DDB1: variants seen among roughly 807,000 people sequenced by gnomAD.
DDB1 encodes damage specific DNA binding protein 1, also known as DNA damage-binding protein 1.
Under a neutral mutation model 133.1 loss-of-function variants are expected in DDB1, and 18 were observed. The observed-to-expected ratio is 0.14, with a 90% CI of 0.09 to 0.20. The LOEUF is 0.20. Ranked by LOEUF, DDB1 falls within the 10% of genes least tolerant of loss-of-function variation. DDB1 has a pLI of 1.00. For missense variants in DDB1, 828 were observed against 1,459.2 expected, an observed-to-expected ratio of 0.57 and a Z score of 7.05; for synonymous variants, 580 against 550.5, an observed-to-expected ratio of 1.05 and a Z score of -0.75.
intron 10 of DDB1, among the ~76,000 whole-genome samples, chr11:61,318,477 T>C (rs531535352): frequency 6.6e-6 from 1 of 152,300 alleles, no homozygotes; most frequent in Non-Finnish European, 1.5e-5. Flanking sequence ...GGTCATCTAG[T>C]AGAGTACTGC....
chr11:61,309,857 C>A lies in DDB1; in HGVS notation c.2505G>T (p.Met835Ile), dbSNP rs866389161. 1 of 1,614,158 alleles carries A rather than the reference C, an allele frequency of 6.2e-7. No individual in the cohort carries two copies. Among genetic ancestry groups the A allele is most frequent in the Non-Finnish European group, 8.5e-7 (1 of 1,180,040 alleles). ...TGGGCTCTGCCTCTTCAGGATACACCATTGCTGTGCCCACAATGAAGTAAG... is the reference window on the plus strand; with the variant it reads ...TGGGCTCTGCCTCTTCAGGATACACAATTGCTGTGCCCACAATGAAGTAAG... ...PNTYFIVGTA[M>I]VYPEEAEPKQ... The change falls in exon 20 of 27, where the codon ATG becomes ATT. Residue 835 changes from methionine to isoleucine, a missense_variant. Met to Ile is a conservative substitution (Grantham distance 10). Transcript: ENST00000301764.
chr11:61,324,234 T>C, intron 6 of DDB1, 97 bp from the exon 7 acceptor site: 2 of 1,350,336 alleles, frequency 1.5e-6, no homozygotes, highest in South Asian at 2.4e-5. Context: ...CCCAGCCATT[T>C]TACCAGCAGA....
At chr11:61,330,347 C>A (rs1856346411) in intron 2 of DDB1, 1 of 286,390 alleles carries the variant, frequency 3.5e-6, no homozygotes, top group African/African-American at 2.2e-5. Context: ...ATTTCAATCT[C>A]AAGCTAATCT....
At chr11:61,310,130 G>A (rs1485059758) in intron 19 of DDB1, among the ~76,000 whole-genome samples, 165 bp downstream of exon 19, 1 of 152,138 alleles carries the variant, frequency 6.6e-6, no homozygotes, top group East Asian at 1.9e-4. Context: ...AGGAGAGGAT[G>A]CCCAGCCCTC....
intron 16 of DDB1, among the ~76,000 whole-genome samples, chr11:61,312,910 T>A (rs1309271358): frequency 2.6e-5 from 4 of 152,110 alleles, no homozygotes; most frequent in Non-Finnish European, 5.9e-5. Flanking sequence ...CCTTCCAATT[T>A]CAAGGGAATC....
intron 16 of DDB1, 75 bp downstream of exon 16, chr11:61,313,424 G>T: frequency 7.4e-7 from 1 of 1,357,066 alleles, no homozygotes; most frequent in Non-Finnish European, 1.0e-6. Flanking sequence ...AAAAGGCTTT[G>T]AGGTAAGGGT....
intron 3 of DDB1, 86 bp from the exon 4 acceptor site, chr11:61,329,670 T>A: frequency 7.8e-7 from 1 of 1,289,006 alleles, no homozygotes; most frequent in Non-Finnish European, 1.1e-6. Context: ...CAGAAAAATT[T>A]TAGGAGAGGT....
chr11:61,315,343 G>C (rs1267924413), intron 12 of DDB1: 2 of 152,194 alleles, frequency 1.3e-5, no homozygotes, highest in Non-Finnish European at 2.9e-5. Context: ...TAGCACAATT[G>C]AGTTTATATA....
Position 61,306,073 on chromosome 11 carries a change from G to A in DDB1, c.2662-2038C>T, listed in dbSNP as rs1325001586. On this transcript the variant is annotated intron_variant, in intron 21 of 26. Coordinates refer to ENST00000301764, the MANE Select transcript of DDB1 (RefSeq NM_001923.5). ...TAGAAAATTCAGAATGACATACATC[G>A]CTCATATAATATTTCTATTGGCTGG... Among the ~76,000 whole-genome samples, 3 of 151,908 alleles carry A rather than the reference G, an allele frequency of 2.0e-5. No individual in the cohort carries two copies. In the South Asian group the frequency reaches 6.2e-4, roughly 32 times the overall value.
At chr11:61,304,598 G>A (rs750049070) in intron 21 of DDB1, among the ~76,000 whole-genome samples, 1 of 152,200 alleles carries the variant, frequency 6.6e-6, no homozygotes, top group South Asian at 2.1e-4. Flanking sequence ...TGTGCAGCCG[G>A]CCGCAGTGGC....
At chr11:61,310,041 T>G in intron 19 of DDB1, 81 bp from the exon 20 acceptor site, 2 of 1,579,922 alleles carry the variant, frequency 1.3e-6, no homozygotes, top group Non-Finnish European at 8.7e-7. Flanking sequence ...CTGAGGCCTG[T>G]GGCTTAGGCA....
At chr11:61,308,869 A>AC in intron 21 of DDB1, 114 bp downstream of exon 21, 2 of 1,022,948 alleles carry the variant, frequency 2.0e-6, no homozygotes, top group South Asian at 2.6e-5. Context: ...CACACCCGCT[A>AC]CTTTGTTCTC....
intron 4 of DDB1, 160 bp downstream of exon 4, chr11:61,329,203 C>G (rs1350060267): frequency 7.5e-6 from 5 of 663,592 alleles, no homozygotes; most frequent in Non-Finnish European, 7.9e-6. Context: ...CAAGAAGCAA[C>G]GAAAGTCTGA....
intron 10 of DDB1, 90 bp downstream of exon 10, chr11:61,321,505 T>G (rs1228473588): frequency 8.8e-7 from 1 of 1,131,412 alleles, no homozygotes; most frequent in Non-Finnish European, 1.3e-6. Context: ...TCTGCTTTCC[T>G]CTGGCTCCCA....
At chr11:61,313,472 T>C in intron 16 of DDB1, 27 bp downstream of exon 16, 1 of 1,599,536 alleles carries the variant, frequency 6.3e-7, no homozygotes, top group Non-Finnish European at 8.6e-7. Context: ...TCAATAGCTC[T>C]CATTAAATAA....
At chr11:61,302,427 G>A (rs1180250194) in intron 24 of DDB1, 68 bp from the exon 25 acceptor site, 3 of 1,583,924 alleles carry the variant, frequency 1.9e-6, no homozygotes, top group Non-Finnish European at 2.6e-6. Flanking sequence ...TCTACGTAAA[G>A]GGCAGCCCAG....
intron 10 of DDB1, among the ~76,000 whole-genome samples, chr11:61,319,437 T>C (rs533866785): frequency 6.6e-6 from 1 of 152,226 alleles, no homozygotes; most frequent in Admixed American, 6.5e-5. Context: ...TTCTTTTTTT[T>C]TCTTTTTTTT....
At chr11:61,324,972 A>C (rs549135579) in intron 6 of DDB1, among the ~76,000 whole-genome samples, 10 of 152,210 alleles carry the variant, frequency 6.6e-5, no homozygotes, top group African/African-American at 2.4e-4. Flanking sequence ...AACATGGAGA[A>C]ACCCCATCTC....
intron 25 of DDB1, 92 bp downstream of exon 25, chr11:61,302,165 A>C (rs1855807312): frequency 8.9e-7 from 1 of 1,122,306 alleles, no homozygotes; most frequent in African/African-American, 1.5e-5. Context: ...GAACCTAATC[A>C]AGACATGTAG....
Sources: allele counts gnomAD v4.1 joint callset (sites outside exome capture counted in the v4.1 genomes callset), GRCh38; gene constraint gnomAD v4.1.1; transcripts MANE v1.5; gene names NCBI Gene and HGNC (gene_info 2026-07-23, HGNC 2026-07-21).